Variants in ZNF611 observed in about 807,000 individuals in gnomAD.
The protein encoded by ZNF611 is zinc finger protein 611.
In ZNF611, 6 loss-of-function variants were observed where a neutral mutation model predicts 8.9. The ratio of observed to expected loss-of-function variants is 0.68; its 90% confidence interval spans 0.37 to 1.34. The LOEUF is 1.34. Ranked by LOEUF, ZNF611 falls within the 40% of genes most tolerant of loss-of-function variation. The probability of loss-of-function intolerance (pLI) is 0.02; values close to 1 mark genes in which losing one functional copy is unlikely to be tolerated. For synonymous variants in ZNF611, 262 were observed against 279.7 expected, an observed-to-expected ratio of 0.94 and a Z score of 0.63; for missense variants, 874 against 841.3, an observed-to-expected ratio of 1.04 and a Z score of -0.48.
At chr19:52,726,879 C>CT (rs989562445) in intron 3 of ZNF611, among the ~76,000 whole-genome samples, 3 of 151,870 alleles carry the variant, frequency 2.0e-5, no homozygotes, top group African/African-American at 7.3e-5. Flanking sequence ...TTTCCTTTTA[C>CT]TTTTGAGACA....
At chr19:52,726,710 G>A (rs1600332192) in intron 3 of ZNF611, among the ~76,000 whole-genome samples, 1 of 148,056 alleles carries the variant, frequency 6.8e-6, no homozygotes, top group Non-Finnish European at 1.5e-5. Flanking sequence ...GAGCCACCAT[G>A]CTCGGCCTTG....
intron 3 of ZNF611, among the ~76,000 whole-genome samples, chr19:52,725,850 C>T (rs925994725): frequency 1.3e-5 from 2 of 151,830 alleles, no homozygotes; most frequent in Non-Finnish European, 2.9e-5. Context: ...GGGCGCGAGG[C>T]GGAGAGACCT....
Position 52,711,720 on chromosome 19 carries a change from A to G in ZNF611, c.190+2295T>C, listed in dbSNP as rs555055535. Among the ~76,000 whole-genome samples, 7 of 152,294 alleles carry G rather than the reference A, an allele frequency of 4.6e-5. No homozygotes were observed. The South Asian group carries it at 1.2e-3, about 27-fold the overall frequency. ...CACACACTGATTTAAGCGGCCTCCTATAATTTTGTCCAGTGGATGAACAAG... is the reference window on the plus strand; with the variant it reads ...CACACACTGATTTAAGCGGCCTCCTGTAATTTTGTCCAGTGGATGAACAAG... On this transcript the variant is annotated intron_variant, in intron 5 of 5. Transcript: ENST00000652185.
At chr19:52,713,945 G>C in intron 5 of ZNF611, 70 bp downstream of exon 5, 1 of 1,591,324 alleles carries the variant, frequency 6.3e-7, no homozygotes, top group Non-Finnish European at 8.5e-7. Context: ...CACAAAAGAG[G>C]ATACAAAGCC....
At chr19:52,726,211 G>A (rs912281669) in intron 3 of ZNF611, among the ~76,000 whole-genome samples, 2 of 152,126 alleles carry the variant, frequency 1.3e-5, no homozygotes, top group African/African-American at 4.8e-5. Flanking sequence ...GCTCAGGCCA[G>A]GGAGGAGTGA....
rs903014492 is a variant in ZNF611 at position 52,703,058 on chromosome 19, A to G, written c.*1879T>C. On this transcript the variant is annotated 3_prime_UTR_variant, in exon 6 of 6. Coordinates refer to ENST00000652185, the MANE Select transcript of ZNF611 (RefSeq NM_001161499.2). ...AAATAACTGGAAAATATACAAGTAC[A>G]GAAACGAATGATGTGAGCTGATTAT... The G allele has an allele frequency of 1.6e-5, 2 of 126,314 alleles. No individual in the cohort carries two copies. Among genetic ancestry groups the G allele is most frequent in the African/African-American group, 6.2e-5 (2 of 32,406 alleles). The allele number at this position is 126,314 out of a possible 1,614,324, so 7.8% of individuals were successfully genotyped here.
intron 3 of ZNF611, among the ~76,000 whole-genome samples, chr19:52,717,255 A>G (rs1216017701): frequency 2.0e-5 from 3 of 152,206 alleles, no homozygotes; most frequent in Non-Finnish European, 4.4e-5. Context: ...TAAACTTTCT[A>G]AATTAACTCA....
intron 5 of ZNF611, chr19:52,711,369 A>G (rs1193669421): frequency 6.8e-6 from 1 of 147,724 alleles, no homozygotes; most frequent in East Asian, 2.0e-4. Context: ...AAAAAAAAAA[A>G]CCAACCCTGG....
chr19:52,732,009 G>A (rs2062428827), intron 1 of ZNF611, among the ~76,000 whole-genome samples: 3 of 151,604 alleles, frequency 2.0e-5, no homozygotes, highest in Admixed American at 6.6e-5. Context: ...GGTGGCTCAC[G>A]CCTGTAATCC....
chr19:52,705,057 T>C lies in ZNF611; in HGVS notation c.1998A>G (p.Ser666=). ...CTGCAGTGTGAATTCTGGTATGTCT[T>C]GACAGGAGTGAATTACGCACGAAAG... ...DKAFVRNSLL[S]RHTRIHTAEK... Residue 666 remains serine (S), a synonymous_variant, in exon 6 of 6, where the codon TCA becomes TCG. Coordinates refer to ENST00000652185, the MANE Select transcript of ZNF611 (RefSeq NM_001161499.2). The C allele has an allele frequency of 6.2e-7, 1 of 1,614,180 alleles. No individual in the cohort carries two copies. The highest frequency in any genetic ancestry group is 8.5e-7 in the Non-Finnish European group (1 of 1,180,028).
At chr19:52,708,150 A>G (rs2062257114) in intron 5 of ZNF611, 1 of 152,162 alleles carries the variant, frequency 6.6e-6, no homozygotes, top group Admixed American at 6.5e-5. Flanking sequence ...ACAATATAAG[A>G]ACTGAAATAC....
At chr19:52,729,515 A>G (rs968733109) in intron 2 of ZNF611, among the ~76,000 whole-genome samples, 6 of 148,114 alleles carry the variant, frequency 4.1e-5, no homozygotes, top group African/African-American at 1.3e-4. Flanking sequence ...AAAAAAAAAA[A>G]AAAGAAAAGA....
intron 1 of ZNF611, among the ~76,000 whole-genome samples, chr19:52,733,627 T>C (rs995809358): frequency 2.6e-5 from 4 of 152,116 alleles, no homozygotes; most frequent in South Asian, 4.1e-4. Context: ...TTCATTACTG[T>C]GCTTCCCTCC....
chr19:52,731,440 G>A (rs113852756), intron 1 of ZNF611, among the ~76,000 whole-genome samples: 292 of 152,076 alleles, frequency 1.9e-3, no homozygotes, highest in African/African-American at 6.8e-3. Flanking sequence ...GCGCAATCTC[G>A]GCTCACTGCA....
intron 3 of ZNF611, 199 bp from the exon 4 acceptor site, chr19:52,716,112 T>C (rs973581355): frequency 5.1e-6 from 3 of 587,798 alleles, no homozygotes; most frequent in African/African-American, 3.7e-5. Flanking sequence ...AGATCTCACC[T>C]CTCTCCTGGA....
chr19:52,717,199 A>G (rs2062323269), intron 3 of ZNF611, among the ~76,000 whole-genome samples: 2 of 152,220 alleles, frequency 1.3e-5, no homozygotes, highest in South Asian at 2.1e-4. Flanking sequence ...TCATGTCTCC[A>G]TAAAATGTAT....
At chr19:52,714,345 A>C (rs1400610774) in intron 4 of ZNF611, among the ~76,000 whole-genome samples, 6 of 152,120 alleles carry the variant, frequency 3.9e-5, no homozygotes, top group Admixed American at 1.3e-4. Flanking sequence ...CCCATAAGTC[A>C]CTACGGAAAT....
chr19:52,709,731 C>T (rs931883617), intron 5 of ZNF611, among the ~76,000 whole-genome samples: 1 of 151,886 alleles, frequency 6.6e-6, no homozygotes, highest in South Asian at 2.1e-4. Flanking sequence ...CCACTCCCGG[C>T]TAATTTTGTA....
chr19:52,729,589 C>G (rs1385460034), intron 2 of ZNF611, among the ~76,000 whole-genome samples: 1 of 149,946 alleles, frequency 6.7e-6, no homozygotes, highest in East Asian at 2.0e-4. Context: ...TTACCTATAA[C>G]CACACAGAAC....
Sources: gnomAD v4.1 joint callset for allele counts (sites outside exome capture counted in the v4.1 genomes callset) on GRCh38, gnomAD v4.1.1 for gene constraint, MANE v1.5 for transcripts, NCBI Gene and HGNC (gene_info 2026-07-23, HGNC 2026-07-21) for gene names.